The following SHANK1 variants were observed in gnomAD, a reference collection of about 807,000 sequenced individuals.
SHANK1 encodes SH3 and multiple ankyrin repeat domains protein 1.
A neutral mutation model predicts 165.6 loss-of-function variants in SHANK1; 35 were observed. That is an observed-to-expected ratio of 0.21 (90% CI 0.16 to 0.28). SHANK1 has a LOEUF of 0.28. SHANK1 is among the 10% of genes least tolerant of loss of function. SHANK1 has a pLI of 1.00. For missense variants in SHANK1, 2,681 were observed against 3,036.4 expected (o/e 0.88, Z 2.75); for synonymous variants, 1,428 against 1,384.8 (o/e 1.03, Z -0.69).
At chr19:50,669,498 C>A (rs1001409102) in intron 22 of SHANK1, among the ~76,000 whole-genome samples, 1 of 152,112 alleles carries the variant, frequency 6.6e-6, no homozygotes, top group Non-Finnish European at 1.5e-5. Flanking sequence ...AACTGCAAAC[C>A]GCAAGGAAGG....
At chr19:50,710,612 A>G (rs2088995996) in intron 8 of SHANK1, among the ~76,000 whole-genome samples, 1 of 151,840 alleles carries the variant, frequency 6.6e-6, no homozygotes, top group Admixed American at 6.6e-5. Context: ...CCTGCTCCGT[A>G]CCTCTCCTCT....
intron 12 of SHANK1, among the ~76,000 whole-genome samples, chr19:50,700,312 T>C (rs187270864): frequency 1.8e-4 from 25 of 140,232 alleles, no homozygotes; most frequent in African/African-American, 6.2e-4. Flanking sequence ...GCTCGGGGCA[T>C]TGGAGGATTG....
At position 50,686,857 on chromosome 19, in the gene SHANK1, C is replaced by T; in HGVS notation, c.2390-45G>A. 1.9e-6 allele frequency: 3 copies of T among 1,604,164 alleles called. No homozygotes were observed. The highest frequency in any genetic ancestry group is 2.2e-5 in the South Asian group (2 of 90,630). ...ATGACGCCCAGGGAGCCCCCGGGGGCGGGGCGGAGCGGGCTCGGCCTGTGG... is the reference window on the plus strand; with the variant it reads ...ATGACGCCCAGGGAGCCCCCGGGGGTGGGGCGGAGCGGGCTCGGCCTGTGG... On this transcript the variant is annotated intron_variant, in intron 19 of 23. Transcript: ENST00000293441. The surrounding 1 kb of genome is among the most constrained non-coding windows in gnomAD (Gnocchi z 5.7).
intron 15 of SHANK1, among the ~76,000 whole-genome samples, chr19:50,693,277 C>T (rs979325788): frequency 5.6e-5 from 8 of 143,484 alleles, no homozygotes. Context: ...TCCGAACCCT[C>T]GGTGCTCCAG....
chr19:50,672,591 C>T (rs1054416624), intron 21 of SHANK1, among the ~76,000 whole-genome samples: 76 of 136,762 alleles, frequency 5.6e-4, no homozygotes, highest in Non-Finnish European at 1.1e-3. Context: ...GAAAAGAAGG[C>T]GAAAGGGAAT....
intron 23 of SHANK1, among the ~76,000 whole-genome samples, 176 bp downstream of exon 23, chr19:50,666,011 CAAGAA>C (rs1292393197): frequency 3.4e-5 from 5 of 147,000 alleles, no homozygotes; most frequent in South Asian, 2.2e-4. Context: ...AACTCCCTCT[CAAGAA>C]AAGAAAAGAA....
chr19:50,718,743 G>C lies in SHANK1; in HGVS notation c.-44+663C>G, dbSNP rs886231489. On this transcript the variant is annotated intron_variant, in intron 1 of 23. Coordinates refer to ENST00000293441, the MANE Select transcript of SHANK1 (RefSeq NM_016148.5). This position sits in a 1 kb window ranked among gnomAD's most constrained non-coding sequence, Gnocchi z 5.1. ...ATGAATGGAGGCGGAGGGAGGCGGG[G>C]AGGGGCGGGGAGAGAGAGCCGGAGC... Among the ~76,000 whole-genome samples the C allele has an allele frequency of 6.7e-6, 1 of 149,908 alleles. No homozygotes were observed. The highest frequency in any genetic ancestry group is 6.6e-5 in the Admixed American group (1 of 15,114).
chr19:50,667,203 G>C lies in SHANK1; in HGVS notation c.4757C>G (p.Pro1586Arg). ...GTCGGGCAGCGGGTGGGGAGGCCCA[G>C]GCGTGAGGGGCGACTCTGGCTTTTC... The part of the protein sequence containing the change: ...SFEKPESPLT[P>R]GPPHPLPDTP... Residue 1586 changes from proline (P) to arginine (R), a missense_variant, in exon 23 of 24, where the codon CCT (proline) becomes CGT (arginine). By Grantham distance (103) the Pro-to-Arg change is moderately radical (BLOSUM62 -2). Coordinates refer to ENST00000293441, the MANE Select transcript of SHANK1 (RefSeq NM_016148.5). The surrounding 1 kb of genome is among the most constrained non-coding windows in gnomAD (Gnocchi z 5.7). 1.3e-6 allele frequency: 2 copies of C among 1,576,462 alleles called. No individual in the cohort carries two copies. The highest frequency in any genetic ancestry group is 1.7e-6 in the Non-Finnish European group (2 of 1,168,798).
At position 50,686,358 on chromosome 19, in the gene SHANK1, AGG is replaced by A. The variant is rs1437232908; in HGVS notation, c.2459-5_2459-4del. ...GGCCAGGATTTCGTCCAGTTTGTCT[AGG>A]GGTAGATGAATGAACAGAGGTGGGA... On this transcript the variant is annotated splice_polypyrimidine_tract_variant and splice_region_variant and intron_variant, in intron 20 of 23. Coordinates refer to ENST00000293441, the MANE Select transcript of SHANK1 (RefSeq NM_016148.5). The surrounding 1 kb of genome is among the most constrained non-coding windows in gnomAD (Gnocchi z 5.7). 5 of 1,584,044 alleles carry A rather than the reference AGG, an allele frequency of 3.2e-6. No homozygotes were observed. Among genetic ancestry groups the A allele is most frequent in the Non-Finnish European group, 4.3e-6 (5 of 1,161,360 alleles).
rs1293138327 is a variant in SHANK1, at chr19:50,719,538, G to A, written c.-176C>T. 1 of 144,154 alleles carries A rather than the reference G, an allele frequency of 6.9e-6. No individual in the cohort carries two copies. The highest frequency in any genetic ancestry group is 1.6e-5 in the Non-Finnish European group (1 of 64,492). 8.9% of individuals were successfully genotyped at this position (144,154 alleles called of 1,614,324 possible). On this transcript the variant is annotated 5_prime_UTR_variant, in exon 1 of 24. Coordinates refer to ENST00000293441, the MANE Select transcript of SHANK1 (RefSeq NM_016148.5). ...GCCCCGGAGGGCGAGCGGGCCCGGG[G>A]AGGGGGCGGGCGGGGACCGGGGGGG...
At chr19:50,712,388 G>A (rs1280188027) in intron 6 of SHANK1, among the ~76,000 whole-genome samples, 2 of 152,210 alleles carry the variant, frequency 1.3e-5, no homozygotes, top group Non-Finnish European at 2.9e-5. Context: ...CCCTGGGGGC[G>A]ATCTTGGATG....
chr19:50,698,088 G>A, intron 12 of SHANK1, 132 bp from the exon 13 acceptor site: 2 of 679,660 alleles, frequency 2.9e-6, no homozygotes, highest in East Asian at 2.7e-5. Context: ...AAACATCTGA[G>A]GAAGGGGCGA....
chr19:50,681,519 G>A (rs1406657366), intron 21 of SHANK1, among the ~76,000 whole-genome samples: 1 of 152,096 alleles, frequency 6.6e-6, no homozygotes, highest in Admixed American at 6.5e-5. Flanking sequence ...TTCCCTGAGG[G>A]TTAGGCTCTT....
Position 50,719,592 on chromosome 19 carries a change from C to A in SHANK1, c.-230G>T, listed in dbSNP as rs1401201145. 1 of 148,412 alleles carries A rather than the reference C, an allele frequency of 6.7e-6. No individual in the cohort carries two copies. The highest frequency in any genetic ancestry group is 1.9e-4 in the South Asian group (1 of 5,352). 9.2% of individuals were successfully genotyped at this position (148,412 alleles called of 1,614,324 possible). A position where few individuals can be genotyped will look rare whatever the true frequency, so the allele number is the denominator to read the frequency against. ...GCGGGAGGGCCGAGGACCTCACCCC[C>A]CCCGCGGGCCGGGCCTGGCCATCCG... On this transcript the variant is annotated 5_prime_UTR_variant, in exon 1 of 24. Coordinates refer to ENST00000293441, the MANE Select transcript of SHANK1 (RefSeq NM_016148.5).
At position 50,668,578 on chromosome 19, in the gene SHANK1, G is replaced by A. The variant is rs1242584532; in HGVS notation, c.3382C>T (p.Pro1128Ser). The A allele has an allele frequency of 1.5e-6, 2 of 1,342,014 alleles. 1 individual carries two copies. Among genetic ancestry groups the A allele is most frequent in the Non-Finnish European group, 1.9e-6 (2 of 1,044,912 alleles). 83.1% of individuals were successfully genotyped at this position (1,342,014 alleles called of 1,614,324 possible). A position where few individuals can be genotyped will look rare whatever the true frequency, so the allele number is the denominator to read the frequency against. ...GCCGGGGACGTGGGCGACGGCGCGG[G>A]CGGGAGGCCGCCGCCCTTCTGGGGC... Reference protein sequence around the residue: ...GEPQKGGGLPPAPSPTSPASP... With the variant: ...GEPQKGGGLPSAPSPTSPASP... Residue 1128 changes from proline to serine, a missense_variant, in exon 23 of 24, where the codon CCC (proline) becomes TCC (serine). This residue lies in a region of SHANK1 where 1,713 missense variants were observed against 1,630.2 expected (regional missense o/e 1.05). Transcript: ENST00000293441.
In SHANK1 at chr19:50,715,727, G is replaced by A; in HGVS notation, c.463C>T (p.Arg155Ter). ...FEKGVPYLEF[R>*]YKTRVYKQTN... ...TGTTTGTAAACTCGGGTCTTGTATC[G>A]GAACTGAGGTCAAGGGTAGGGTAGT... Residue 155 changes from arginine (R) to a stop codon, truncating the protein, a stop_gained, in exon 4 of 24, where the codon CGA becomes TGA. Coordinates refer to ENST00000293441, the MANE Select transcript of SHANK1 (RefSeq NM_016148.5). LOFTEE classifies it high-confidence loss of function. The A allele has an allele frequency of 6.2e-7, 1 of 1,613,868 alleles. No individual in the cohort carries two copies. Among genetic ancestry groups the A allele is most frequent in the Non-Finnish European group, 8.5e-7 (1 of 1,179,848 alleles).
At chr19:50,703,973 C>T in intron 10 of SHANK1, 143 bp from the exon 11 acceptor site, 2 of 850,742 alleles carry the variant, frequency 2.4e-6, no homozygotes, top group Non-Finnish European at 3.8e-6. Flanking sequence ...GGAATTGCTC[C>T]CCCACCACCA....
rs533086212 is a variant in SHANK1, at chr19:50,704,299, G to A, written c.1156-113C>T. 1.7e-4 allele frequency: 229 copies of A among 1,315,312 alleles called. 1 individual carries two copies. Among genetic ancestry groups the A allele is most frequent in the South Asian group, 1.7e-3 (145 of 84,276 alleles). The allele number at this position is 1,315,312 out of a possible 1,614,324, so 81.5% of individuals were successfully genotyped here. On this transcript the variant is annotated intron_variant, in intron 9 of 23. Transcript: ENST00000293441. Reference sequence around the variant, plus strand: ...CCAAACCTTCCACTCCGACAATGCCGCCCTCTGTCTTCTTCCAGCTCCCCC... The same window carrying A: ...CCAAACCTTCCACTCCGACAATGCCACCCTCTGTCTTCTTCCAGCTCCCCC...
intron 3 of SHANK1, among the ~76,000 whole-genome samples, chr19:50,715,934 A>G (rs1422735983): frequency 6.6e-6 from 1 of 152,072 alleles, no homozygotes; most frequent in African/African-American, 2.4e-5. Flanking sequence ...ATTATGGTAT[A>G]TGTGCACTGC....
Sources: gnomAD v4.1 joint callset for allele counts (sites outside exome capture counted in the v4.1 genomes callset) on GRCh38, gnomAD v4.1.1 for gene constraint, gnomAD v4.1.1 regional missense constraint, Gnocchi (gnomAD v3.1) non-coding constraint, MANE v1.5 for transcripts, NCBI Gene and HGNC (gene_info 2026-07-23, HGNC 2026-07-21) for gene names.